TBC1D5: variants seen among roughly 807,000 people sequenced by gnomAD.
TBC1D5 encodes TBC1 domain family, member 5.
TBC1D5 carries 75 observed loss-of-function variants against 100.3 expected under a neutral mutation model. The ratio of observed to expected loss-of-function variants is 0.75; its 90% confidence interval spans 0.62 to 0.91. The LOEUF is 0.91. Ranked by LOEUF, TBC1D5 falls within the 40% of genes least tolerant of loss-of-function variation. TBC1D5 has a pLI of 0.00. For synonymous variants in TBC1D5, 323 were observed against 325.6 expected (o/e 0.99, Z 0.09); for missense variants, 910 against 942.4 (o/e 0.97, Z 0.45).
intron 1 of TBC1D5, among the ~76,000 whole-genome samples, chr3:17,695,557 A>T (rs1430440502): frequency 1.3e-5 from 2 of 152,218 alleles, no homozygotes; most frequent in Non-Finnish European, 2.9e-5. Context: ...ACTATCCTAA[A>T]TATATATACA....
chr3:17,529,428 CCTTA>C (rs2096186989), intron 2 of TBC1D5, among the ~76,000 whole-genome samples: 1 of 152,112 alleles, frequency 6.6e-6, no homozygotes, highest in South Asian at 2.1e-4. Flanking sequence ...TAGTTCTCTT[CCTTA>C]CTTGACTTCT....
At chr3:17,731,480 C>A (rs990488485) in intron 1 of TBC1D5, among the ~76,000 whole-genome samples, 52 of 140,348 alleles carry the variant, frequency 3.7e-4, no homozygotes, top group Non-Finnish European at 7.1e-4. Flanking sequence ...CACTCCAGCC[C>A]GGCGACAAAG....
intron 1 of TBC1D5, among the ~76,000 whole-genome samples, chr3:17,675,476 A>G (rs948907928): frequency 7.9e-5 from 12 of 152,172 alleles, no homozygotes; most frequent in Non-Finnish European, 1.6e-4. Flanking sequence ...TTAAGAAAAG[A>G]TACGTTCCTA....
chr3:17,494,272 T>C (rs1433039904), intron 3 of TBC1D5, among the ~76,000 whole-genome samples: 4 of 152,250 alleles, frequency 2.6e-5, no homozygotes, highest in African/African-American at 7.2e-5. Context: ...ACAGCAAAGA[T>C]GGGCTGCTCC....
chr3:17,486,799 G>A (rs545741686), intron 3 of TBC1D5, among the ~76,000 whole-genome samples: 14 of 152,242 alleles, frequency 9.2e-5, no homozygotes, highest in African/African-American at 3.4e-4. Flanking sequence ...GTGCCAGAGG[G>A]AGCTATGCAA....
chr3:17,362,422 T>C (rs1167285666), intron 13 of TBC1D5, among the ~76,000 whole-genome samples: 3 of 151,800 alleles, frequency 2.0e-5, no homozygotes, highest in Non-Finnish European at 4.4e-5. Flanking sequence ...CAAAACTTAA[T>C]ACTAAGAACA....
chr3:17,738,241 C>T (rs990442180), intron 1 of TBC1D5, among the ~76,000 whole-genome samples: 2 of 152,178 alleles, frequency 1.3e-5, no homozygotes, highest in Non-Finnish European at 2.9e-5. Flanking sequence ...CCCATAGAGC[C>T]TTATCCCAAA....
At chr3:17,261,056 G>A (rs552036940) in intron 15 of TBC1D5, among the ~76,000 whole-genome samples, 13 of 152,162 alleles carry the variant, frequency 8.5e-5, no homozygotes, top group African/African-American at 2.9e-4. Context: ...TGAAACACCC[G>A]TACACCACTA....
At chr3:17,233,044 A>C (rs1428831660) in intron 17 of TBC1D5, among the ~76,000 whole-genome samples, 14 of 152,188 alleles carry the variant, frequency 9.2e-5, no homozygotes, top group Admixed American at 9.2e-4. Flanking sequence ...TATATGTTTT[A>C]AAATTGCATA....
intron 1 of TBC1D5, among the ~76,000 whole-genome samples, chr3:17,677,986 G>A (rs36172181): frequency 0.49 from 73,840 of 151,854 alleles, 19,812 homozygotes; most frequent in East Asian, 0.94. Flanking sequence ...ACCACACACC[G>A]GGGCCTGTTG....
chr3:17,407,716 C>T (rs758935213), intron 4 of TBC1D5, among the ~76,000 whole-genome samples: 1 of 152,078 alleles, frequency 6.6e-6, no homozygotes, highest in Non-Finnish European at 1.5e-5. Flanking sequence ...TGACACATTC[C>T]GTACTGCCAC....
At chr3:17,696,967 C>T (rs1478383855) in intron 1 of TBC1D5, among the ~76,000 whole-genome samples, 2 of 152,178 alleles carry the variant, frequency 1.3e-5, no homozygotes, top group African/African-American at 2.4e-5. Context: ...AATCAATAAA[C>T]ATAATCCATC....
intron 1 of TBC1D5, among the ~76,000 whole-genome samples, chr3:17,724,895 T>C (rs2075998579): frequency 6.6e-6 from 1 of 152,214 alleles, no homozygotes; most frequent in African/African-American, 2.4e-5. Context: ...TGTGTATCTC[T>C]TTCTTTAGTT....
At chr3:17,470,250 A>C (rs1277691419) in intron 3 of TBC1D5, among the ~76,000 whole-genome samples, 1 of 152,222 alleles carries the variant, frequency 6.6e-6, no homozygotes, top group Admixed American at 6.5e-5. Flanking sequence ...CTCACTTAAA[A>C]CATTATTTCA....
intron 1 of TBC1D5, among the ~76,000 whole-genome samples, chr3:17,649,425 A>G (rs1285109652): frequency 6.6e-6 from 1 of 152,186 alleles, no homozygotes; most frequent in Non-Finnish European, 1.5e-5. Flanking sequence ...ACTGTGACAC[A>G]TGTTTACCTA....
chr3:17,551,542 G>C (rs2096473628), intron 2 of TBC1D5, among the ~76,000 whole-genome samples: 1 of 152,036 alleles, frequency 6.6e-6, no homozygotes, highest in African/African-American at 2.4e-5. Context: ...TCTGCTACTT[G>C]TAGTAACAGA....
chr3:17,452,937 T>TA (rs139238946), intron 3 of TBC1D5, among the ~76,000 whole-genome samples: 9,131 of 149,826 alleles, frequency 0.061, 520 homozygotes, highest in African/African-American at 0.15. Flanking sequence ...CTTAAAACAT[T>TA]AAAAAAAAAT....
chr3:17,243,803 A>T (rs565936858), intron 16 of TBC1D5, among the ~76,000 whole-genome samples: 2 of 152,288 alleles, frequency 1.3e-5, no homozygotes, highest in South Asian at 4.1e-4. Flanking sequence ...CACTGAAGAA[A>T]ATTATGATTC....
chr3:17,380,303 A>G (rs940996715), intron 9 of TBC1D5, among the ~76,000 whole-genome samples: 12 of 152,044 alleles, frequency 7.9e-5, no homozygotes, highest in Admixed American at 7.2e-4. Flanking sequence ...TACCATTAAA[A>G]CTATTTTACA....
Sources: allele counts gnomAD v4.1 joint callset (sites outside exome capture counted in the v4.1 genomes callset), GRCh38; gene constraint gnomAD v4.1.1; transcripts MANE v1.5; gene names NCBI Gene and HGNC (gene_info 2026-07-23, HGNC 2026-07-21).